Variants in NCR3LG1 observed in about 807,000 individuals in gnomAD.
NCR3LG1 encodes natural killer cell cytotoxicity receptor 3 ligand 1.
NCR3LG1 carries 35 observed loss-of-function variants against 34.8 expected under a neutral mutation model. That is an observed-to-expected ratio of 1.01 (90% CI 0.77 to 1.33). The LOEUF is 1.33. Among genes scored for constraint, NCR3LG1 ranks in the 40% most tolerant of loss-of-function variants. The pLI is 0.00. For missense variants in NCR3LG1, 452 were observed against 423.3 expected (o/e 1.07, Z -0.60); for synonymous variants, 173 against 163.6 (o/e 1.06, Z -0.44).
In NCR3LG1 at chr11:17,376,214, G is replaced by A. The variant is rs1298460768; in HGVS notation, c.*3702G>A. 2 of 152,198 alleles carry A rather than the reference G, an allele frequency of 1.3e-5. No homozygotes were observed. The highest frequency in any genetic ancestry group is 2.4e-5 in the African/African-American group (1 of 41,444). The allele number at this position is 152,198 out of a possible 1,614,324, so 9.4% of individuals were successfully genotyped here. ...TAAATGGCATTCAATGTCTTTTGGT[G>A]TGGGTGCATACCTTCATTAACTGGG... is the stretch of plus-strand genomic sequence containing the variant. On this transcript the variant is annotated 3_prime_UTR_variant, in exon 5 of 5. Transcript: ENST00000338965.
intron 1 of NCR3LG1, among the ~76,000 whole-genome samples, chr11:17,354,151 T>G (rs1448836525): frequency 6.6e-6 from 1 of 152,272 alleles, no homozygotes; most frequent in Admixed American, 6.5e-5. Context: ...AAGCTGTAGT[T>G]AACAGTCCTC....
chr11:17,364,669 C>T (rs1010073770), intron 2 of NCR3LG1, among the ~76,000 whole-genome samples: 1 of 152,226 alleles, frequency 6.6e-6, no homozygotes, highest in Admixed American at 6.5e-5. Flanking sequence ...GCCTCAGCCT[C>T]CCAAGTAGCT....
chr11:17,368,961 A>G lies in NCR3LG1; in HGVS notation c.855A>G (p.Lys285=), dbSNP rs1953378476. The G allele has an allele frequency of 2.0e-6, 3 of 1,529,466 alleles. No individual in the cohort carries two copies. The highest frequency in any genetic ancestry group is 1.2e-5 in the South Asian group (1 of 83,768). The allele number at this position is 1,529,466 out of a possible 1,614,324, so 94.7% of individuals were successfully genotyped here. ...LVLLIVLIPW[K]KICNKSSSAY... Reference sequence around the variant, plus strand: ...TATTAATTGTTTTGATTCCTTGGAAAAAGGTAAGGGGCTCCAAAGCAAAGT... The same window carrying G: ...TATTAATTGTTTTGATTCCTTGGAAGAAGGTAAGGGGCTCCAAAGCAAAGT... The change falls in exon 4 of 5, where the codon AAA becomes AAG. Residue 285 remains lysine (K), a synonymous_variant. Coordinates refer to ENST00000338965, the MANE Select transcript of NCR3LG1 (RefSeq NM_001202439.3).
At chr11:17,356,574 G>A in intron 1 of NCR3LG1, 77 bp from the exon 2 acceptor site, 1 of 1,065,526 alleles carries the variant, frequency 9.4e-7, no homozygotes, top group East Asian at 2.6e-5. Context: ...GAGGACTCAA[G>A]CATTCAGTCC....
At chr11:17,360,240 A>G (rs751033377) in intron 2 of NCR3LG1, among the ~76,000 whole-genome samples, 38 of 152,132 alleles carry the variant, frequency 2.5e-4, no homozygotes, top group Non-Finnish European at 4.7e-4. Context: ...AACTGGGCTC[A>G]TTTTTTAAAT....
At position 17,372,954 on chromosome 11, in the gene NCR3LG1, A is replaced by C. The variant is rs1218975982; in HGVS notation, c.*442A>C. On this transcript the variant is annotated 3_prime_UTR_variant, in exon 5 of 5. Coordinates refer to ENST00000338965, the MANE Select transcript of NCR3LG1 (RefSeq NM_001202439.3). ...GAGCCAAGCCTCTTAATTACCCCAA[A>C]CTCTCCATGATAGATCAAAAACTAG... The C allele has an allele frequency of 1.2e-5, 2 of 160,892 alleles. No individual in the cohort carries two copies. The highest frequency in any genetic ancestry group is 2.4e-5 in the African/African-American group (1 of 41,484). The allele number at this position is 160,892 out of a possible 1,614,324, so 10.0% of individuals were successfully genotyped here.
At chr11:17,371,478 T>C (rs1271130905) in intron 4 of NCR3LG1, among the ~76,000 whole-genome samples, 2 of 152,156 alleles carry the variant, frequency 1.3e-5, no homozygotes, top group Non-Finnish European at 2.9e-5. Context: ...TTAGCCTCAG[T>C]GTTATCCCCA....
intron 4 of NCR3LG1, 144 bp downstream of exon 4, chr11:17,369,108 G>A (rs1953379860): frequency 1.7e-6 from 1 of 605,668 alleles, no homozygotes; most frequent in Admixed American, 3.1e-5. Flanking sequence ...CAGGTGTTGG[G>A]AATGTTGGCT....
At chr11:17,368,826 C>A in intron 3 of NCR3LG1, 41 bp from the exon 4 acceptor site, 1 of 1,345,284 alleles carries the variant, frequency 7.4e-7, no homozygotes, top group Non-Finnish European at 1.0e-6. Context: ...CTGGCCCTTG[C>A]CAGTAGGTTT....
chr11:17,362,984 G>A (rs1031160602), intron 2 of NCR3LG1, among the ~76,000 whole-genome samples: 7 of 144,572 alleles, frequency 4.8e-5, no homozygotes, highest in Non-Finnish European at 7.5e-5. Flanking sequence ...GCAGTGGTGC[G>A]ATCATGGCTC....
Position 17,362,691 on chromosome 11 carries a change from CCTTTCTTTCTTTCTTTCTTTCTTTCTTT to C in NCR3LG1, c.422-4268_422-4241del, listed in dbSNP as rs757163762. 1.5e-3 allele frequency among the ~76,000 whole-genome samples: 51 copies of C among 33,142 alleles called. 2 individuals carry two copies. The highest frequency in any genetic ancestry group is 2.8e-3 in the Admixed American group (10 of 3,636). 21.7% of individuals were successfully genotyped at this position (33,142 alleles called of 152,430 possible). A position where few individuals can be genotyped will look rare whatever the true frequency, so the allele number is the denominator to read the frequency against. On this transcript the variant is annotated intron_variant, in intron 2 of 4. Transcript: ENST00000338965. ...TCAGTGTCTCCTTCCTTCCTTCCTT[CCTTTCTTTCTTTCTTTCTTTCTTTCTTT>C]CTTTCTTTCTTTCTTTCTTTCTTTC...
chr11:17,366,858 A>G (rs1346122576), intron 2 of NCR3LG1, 151 bp from the exon 3 acceptor site: 2 of 613,962 alleles, frequency 3.3e-6, no homozygotes, highest in Non-Finnish European at 5.7e-6. Context: ...CAGCATTTTT[A>G]AAGAGTAGGC....
chr11:17,365,306 A>G (rs1395451025), intron 2 of NCR3LG1, among the ~76,000 whole-genome samples: 3 of 152,140 alleles, frequency 2.0e-5, no homozygotes, highest in Non-Finnish European at 4.4e-5. Flanking sequence ...GGGTTTCCTT[A>G]TGAACTCCTT....
At chr11:17,354,866 CTTTA>C (rs1210639281) in intron 1 of NCR3LG1, among the ~76,000 whole-genome samples, 3 of 152,160 alleles carry the variant, frequency 2.0e-5, no homozygotes, top group East Asian at 3.9e-4. Context: ...ATTTTGAAAA[CTTTA>C]TTTAGATATG....
intron 1 of NCR3LG1, among the ~76,000 whole-genome samples, chr11:17,354,162 C>T (rs1472841793): frequency 6.6e-6 from 1 of 152,212 alleles, no homozygotes; most frequent in Non-Finnish European, 1.5e-5. Flanking sequence ...AACAGTCCTC[C>T]CTAGTTGGAG....
chr11:17,369,390 C>G (rs1355973384), intron 4 of NCR3LG1, among the ~76,000 whole-genome samples: 2 of 152,120 alleles, frequency 1.3e-5, no homozygotes. Context: ...TAACTGACCA[C>G]CAGATCTCAC....
intron 4 of NCR3LG1, among the ~76,000 whole-genome samples, chr11:17,371,645 G>A (rs1953406877): frequency 6.6e-6 from 1 of 152,204 alleles, no homozygotes; most frequent in Non-Finnish European, 1.5e-5. Flanking sequence ...GGTAGTAAGA[G>A]GATGTAAGGA....
chr11:17,354,521 C>T (rs896180725), intron 1 of NCR3LG1, among the ~76,000 whole-genome samples: 2 of 149,202 alleles, frequency 1.3e-5, no homozygotes, highest in Non-Finnish European at 3.0e-5. Context: ...TTTCCCTTCT[C>T]CCTCCGACCC....
chr11:17,356,567 G>A (rs895269168), intron 1 of NCR3LG1, 84 bp from the exon 2 acceptor site: 1 of 995,564 alleles, frequency 1.0e-6, no homozygotes, highest in Non-Finnish European at 1.4e-6. Context: ...AATTTTGGAG[G>A]ACTCAAGCAT....
Sources: allele counts gnomAD v4.1 joint callset (sites outside exome capture counted in the v4.1 genomes callset), GRCh38; gene constraint gnomAD v4.1.1; transcripts MANE v1.5; gene names NCBI Gene and HGNC (gene_info 2026-07-23, HGNC 2026-07-21).